Variants in RAI1 observed in about 807,000 individuals in gnomAD.
RAI1 encodes the protein retinoic acid-induced protein 1.
Under a neutral mutation model 123.8 loss-of-function variants are expected in RAI1, and 9 were observed. The observed-to-expected ratio is 0.07, with a 90% CI of 0.04 to 0.13. RAI1 has a LOEUF of 0.13. Among genes scored for constraint, RAI1 ranks in the 10% least tolerant of loss-of-function variants. The pLI is 1.00. For synonymous variants in RAI1, 1,231 were observed against 1,127.3 expected (o/e 1.09, Z -1.84); for missense variants, 2,256 against 2,545.8 (o/e 0.89, Z 2.45).
chr17:17,689,970 T>C (rs9897150), intron 1 of RAI1, among the ~76,000 whole-genome samples: 14,097 of 152,108 alleles, frequency 0.093, 1,543 homozygotes, highest in African/African-American at 0.26. Flanking sequence ...CCTTCTATAG[T>C]GATCTAAAGC....
intron 2 of RAI1, among the ~76,000 whole-genome samples, chr17:17,751,976 T>G (rs1262798101): frequency 6.6e-6 from 1 of 152,194 alleles, no homozygotes; most frequent in Admixed American, 6.5e-5. Flanking sequence ...TTTTTTGTTT[T>G]TTTAATCTCT....
At chr17:17,707,517 C>T (rs1341102726) in intron 1 of RAI1, among the ~76,000 whole-genome samples, 3 of 152,140 alleles carry the variant, frequency 2.0e-5, no homozygotes, top group Non-Finnish European at 2.9e-5. Flanking sequence ...GAGGCAGGAA[C>T]GTGTTTCCAT....
Position 17,717,110 on chromosome 17 carries a change from GAC to G in RAI1, c.-148-6917_-148-6916del, listed in dbSNP as rs146374076. Among the ~76,000 whole-genome samples, 770 of 152,300 alleles carry G rather than the reference GAC, an allele frequency of 5.1e-3. 4 individuals are homozygous for G. Among genetic ancestry groups the G allele is most frequent in the African/African-American group, 0.018 (729 of 41,556 alleles). On this transcript the variant is annotated intron_variant, in intron 1 of 5. Transcript: ENST00000353383. ...GCTGGGATTGGGGAGGGATCACAGG[GAC>G]CAGGGTCAAGAGTCAGAATGTGGCT...
intron 2 of RAI1, among the ~76,000 whole-genome samples, chr17:17,790,629 A>T (rs2031979511): frequency 6.6e-6 from 1 of 152,260 alleles, no homozygotes; most frequent in Admixed American, 6.5e-5. Context: ...AAAAAAAATA[A>T]AAAATAAAGC....
At chr17:17,717,962 G>C (rs1915763314) in intron 1 of RAI1, among the ~76,000 whole-genome samples, 1 of 152,206 alleles carries the variant, frequency 6.6e-6, no homozygotes, top group Non-Finnish European at 1.5e-5. Context: ...CTGCAGTCAA[G>C]TAGGGAAGGA....
chr17:17,803,555 C>T (rs2032528926), intron 3 of RAI1, among the ~76,000 whole-genome samples: 1 of 152,026 alleles, frequency 6.6e-6, no homozygotes, highest in Non-Finnish European at 1.5e-5. Flanking sequence ...CACCACCAAC[C>T]CTCACTATTT....
chr17:17,809,315 C>G lies in RAI1; in HGVS notation c.5660-75C>G, dbSNP rs2032657819. 7.4e-7 allele frequency: 1 copy of G among 1,354,946 alleles called. No homozygotes were observed. Among genetic ancestry groups the G allele is most frequent in the South Asian group, 1.2e-5 (1 of 85,838 alleles). The allele number at this position is 1,354,946 out of a possible 1,614,324, so 83.9% of individuals were successfully genotyped here. A position where few individuals can be genotyped will look rare whatever the true frequency, so the allele number is the denominator to read the frequency against. On this transcript the variant is annotated intron_variant, in intron 4 of 5. Coordinates refer to ENST00000353383, the MANE Select transcript of RAI1 (RefSeq NM_030665.4). The surrounding 1 kb of genome is among the most constrained non-coding windows in gnomAD (Gnocchi z 4.9). ...CCTCGCGGGCAGTGCGGCTCCCCTC[C>G]TGGCTGCAGACAAAACCCCACAGCT...
chr17:17,745,538 C>T (rs2029884926), intron 2 of RAI1, among the ~76,000 whole-genome samples: 1 of 151,940 alleles, frequency 6.6e-6, no homozygotes, highest in Non-Finnish European at 1.5e-5. Context: ...GCTGGGATTA[C>T]AGGCACGTGC....
chr17:17,686,261 A>C (rs1171308033), intron 1 of RAI1, among the ~76,000 whole-genome samples: 1 of 118,164 alleles, frequency 8.5e-6, no homozygotes, highest in Non-Finnish European at 1.6e-5. Context: ...GGGCATGCTC[A>C]GGTCTGTGTG....
At chr17:17,723,339 ACC>A (rs35272447) in intron 1 of RAI1, among the ~76,000 whole-genome samples, 85,091 of 134,858 alleles carry the variant, frequency 0.63, 26,428 homozygotes, top group African/African-American at 0.73. Context: ...TTGTATCCAG[ACC>A]CCCCCCCCCA....
chr17:17,800,212 C>CTCTCTCTT lies in RAI1; in HGVS notation c.5565+1706_5565+1707insTTCTCTCT, dbSNP rs2032411921. Among the ~76,000 whole-genome samples, 1 of 142,414 alleles carries CTCTCTCTT rather than the reference C, an allele frequency of 7.0e-6. No homozygotes were observed. The highest frequency in any genetic ancestry group is 1.6e-5 in the Non-Finnish European group (1 of 64,454). 93.4% of individuals were successfully genotyped at this position (142,414 alleles called of 152,430 possible). On this transcript the variant is annotated intron_variant, in intron 3 of 5. Coordinates refer to ENST00000353383, the MANE Select transcript of RAI1 (RefSeq NM_030665.4). This position sits in a 1 kb window ranked among gnomAD's most constrained non-coding sequence, Gnocchi z 4.7. ...TCTCTCTCTCTCTCTCTCTCTCTCTCTCTCTCTCTCTCTCTCATTACTGGC... is the reference window on the plus strand; with the variant it reads ...TCTCTCTCTCTCTCTCTCTCTCTCTCTCTCTCTTTCTCTCTCTCTCTCTCATTACTGGC...
Position 17,809,507 on chromosome 17 carries a change from C to T in RAI1, c.5709+68C>T, listed in dbSNP as rs2032663184. 19 of 1,479,756 alleles carry T rather than the reference C, an allele frequency of 1.3e-5. No homozygotes were observed. Among genetic ancestry groups the T allele is most frequent in the Non-Finnish European group, 1.8e-5 (19 of 1,060,934 alleles). 91.7% of individuals were successfully genotyped at this position (1,479,756 alleles called of 1,614,324 possible). ...GGAGAGGAGCCCCACCTCGCACCTC[C>T]TTCACAGTCCCCTGGGCCCCCTTGG... On this transcript the variant is annotated intron_variant, in intron 5 of 5. Coordinates refer to ENST00000353383, the MANE Select transcript of RAI1 (RefSeq NM_030665.4). This position sits in a 1 kb window ranked among gnomAD's most constrained non-coding sequence, Gnocchi z 4.9.
chr17:17,726,156 C>A (rs1916083662), intron 2 of RAI1, among the ~76,000 whole-genome samples: 1 of 151,962 alleles, frequency 6.6e-6, no homozygotes, highest in African/African-American at 2.4e-5. Flanking sequence ...GCCTTGTGGC[C>A]CGGAGGGAAG....
intron 2 of RAI1, among the ~76,000 whole-genome samples, chr17:17,746,835 A>T (rs1315702111): frequency 1.5e-4 from 23 of 151,232 alleles, no homozygotes; most frequent in Admixed American, 1.5e-3. Flanking sequence ...GGGTTTCTCC[A>T]TGTTGGTCAG....
Position 17,692,918 on chromosome 17 carries a change from A to G in RAI1, c.-149+11125A>G, listed in dbSNP as rs79035984. ...GTAGAGGGAGCCAGGCAAGATTGCA[A>G]TATCTCTGTGCCTATCAGTGTTGGG... On this transcript the variant is annotated intron_variant, in intron 1 of 5. Transcript: ENST00000353383. Among the ~76,000 whole-genome samples the G allele has an allele frequency of 3.4e-3, 515 of 152,310 alleles. 3 individuals are homozygous for G. The highest frequency in any genetic ancestry group is 0.012 in the African/African-American group (492 of 41,568).
chr17:17,695,721 C>G (rs959232292), intron 1 of RAI1, among the ~76,000 whole-genome samples: 1 of 152,152 alleles, frequency 6.6e-6, no homozygotes, highest in East Asian at 1.9e-4. Flanking sequence ...GAGGTTTCAC[C>G]TCGTTGGCCA....
chr17:17,692,678 C>T (rs1297163261), intron 1 of RAI1, among the ~76,000 whole-genome samples: 3 of 152,260 alleles, frequency 2.0e-5, no homozygotes, highest in Non-Finnish European at 4.4e-5. Flanking sequence ...GGCTTGCAGT[C>T]AGACAGCCAT....
At chr17:17,716,822 C>T (rs1340659123) in intron 1 of RAI1, among the ~76,000 whole-genome samples, 2 of 152,138 alleles carry the variant, frequency 1.3e-5, no homozygotes, top group African/African-American at 2.4e-5. Flanking sequence ...GTGGGCTTAG[C>T]GTGGGGCACT....
chr17:17,705,459 C>T (rs193278972), intron 1 of RAI1, among the ~76,000 whole-genome samples: 3 of 152,166 alleles, frequency 2.0e-5, no homozygotes, highest in Admixed American at 2.0e-4. Context: ...TAGTGAAACC[C>T]CATCTCTACT....
Sources: allele counts gnomAD v4.1 joint callset (sites outside exome capture counted in the v4.1 genomes callset), GRCh38; gene constraint gnomAD v4.1.1; non-coding constraint Gnocchi (gnomAD v3.1); transcripts MANE v1.5; gene names NCBI Gene and HGNC (gene_info 2026-07-23, HGNC 2026-07-21).